Variants in OASL observed in about 807,000 individuals in gnomAD.
The protein encoded by OASL is 2'-5'-oligoadenylate synthetase like.
In OASL, 28 loss-of-function variants were observed where a neutral mutation model predicts 35.3. That is an observed-to-expected ratio of 0.79 (90% CI 0.59 to 1.09). The LOEUF is 1.09. Ranked by LOEUF, OASL falls within the 50% of genes least tolerant of loss-of-function variation. OASL has a pLI of 0.00. For synonymous variants in OASL, 252 were observed against 254.6 expected (o/e 0.99, Z 0.10); for missense variants, 620 against 635.2 (o/e 0.98, Z 0.26).
exon 1 of OASL, chr12:121,038,796 A>G: frequency 1.9e-6 from 3 of 1,614,054 alleles, no homozygotes; most frequent in Non-Finnish European, 2.5e-6. Flanking sequence ...CAGCACCCGC[A>G]CATCCTGGTC....
rs777115466 is a variant in OASL, at chr12:121,020,725, G to A, written c.1381C>T (p.Gln461Ter). The stretch of plus-strand genomic sequence containing the variant: ...AGCCCCTGCTGGTCTTCAATCTGCT[G>A]CTTCAGACCCAGGATGAAGCTGTTG... The change falls in exon 6 of 6, where the codon CAG (glutamine) becomes TAG (stop). Residue 461 changes from glutamine to a stop codon, truncating the protein, a stop_gained. Transcript: ENST00000257570. LOFTEE classifies it low-confidence loss of function (END_TRUNC). 1 of 1,614,206 alleles carries A rather than the reference G, an allele frequency of 6.2e-7. No homozygotes were observed. Among genetic ancestry groups the A allele is most frequent in the Non-Finnish European group, 8.5e-7 (1 of 1,180,042 alleles).
At chr12:121,024,993 T>C (rs1869420353) in intron 4 of OASL, among the ~76,000 whole-genome samples, 2 of 144,712 alleles carry the variant, frequency 1.4e-5, no homozygotes, top group Non-Finnish European at 3.0e-5. Flanking sequence ...TTTTTTTTTT[T>C]TTTGAGACAG....
At chr12:121,021,597 G>C (rs1869239043) in intron 5 of OASL, among the ~76,000 whole-genome samples, 1 of 152,236 alleles carries the variant, frequency 6.6e-6, no homozygotes, top group Non-Finnish European at 1.5e-5. Flanking sequence ...GATCACTTGA[G>C]GTCAGGAGTT....
intron 1 of OASL, among the ~76,000 whole-genome samples, chr12:121,038,547 T>G (rs1206320759): frequency 6.6e-6 from 1 of 152,232 alleles, no homozygotes; most frequent in Non-Finnish European, 1.5e-5. Flanking sequence ...TAGTGTATGT[T>G]AAGAGGTTAG....
exon 6 of OASL, chr12:121,020,801 C>G (rs763754973): frequency 1.9e-6 from 3 of 1,614,128 alleles, no homozygotes; most frequent in South Asian, 2.2e-5. Context: ...TCACGAAGAC[C>G]TGGATCTCGG....
At chr12:121,026,651 A>G (rs1309148886) in intron 4 of OASL, among the ~76,000 whole-genome samples, 1 of 152,166 alleles carries the variant, frequency 6.6e-6, no homozygotes, top group African/African-American at 2.4e-5. Flanking sequence ...CAGGAGTTTG[A>G]GACCAGCCTG....
At chr12:121,022,967 A>G (rs1273043104) in intron 5 of OASL, among the ~76,000 whole-genome samples, 41 of 152,160 alleles carry the variant, frequency 2.7e-4, no homozygotes, top group Non-Finnish European at 5.9e-5. Context: ...GATGATAATA[A>G]TAATAAAGAT....
intron 4 of OASL, among the ~76,000 whole-genome samples, chr12:121,024,476 G>C (rs982366939): frequency 1.3e-5 from 2 of 152,108 alleles, no homozygotes; most frequent in African/African-American, 2.4e-5. Flanking sequence ...AAATTAGCCA[G>C]GTGTGGTGGT....
At chr12:121,037,234 G>C (rs1169299774) in intron 1 of OASL, among the ~76,000 whole-genome samples, 1 of 152,130 alleles carries the variant, frequency 6.6e-6, no homozygotes, top group African/African-American at 2.4e-5. Context: ...CACCCTCTCT[G>C]TGCCTCGGTT....
chr12:121,020,935 C>T (rs755420695), exon 6 of OASL: 1 of 1,614,204 alleles, frequency 6.2e-7, no homozygotes, highest in South Asian at 1.1e-5. Context: ...CGCTGCAGGC[C>T]AGAGTAGCCC....
intron 1 of OASL, among the ~76,000 whole-genome samples, 170 bp downstream of exon 1, chr12:121,038,604 C>T (rs2135919997): frequency 6.6e-6 from 1 of 152,320 alleles, no homozygotes; most frequent in South Asian, 2.1e-4. Flanking sequence ...ACTCATTCTA[C>T]TCAAGGCAGT....
chr12:121,038,810 C>T, exon 1 of OASL: 1 of 1,614,116 alleles, frequency 6.2e-7, no homozygotes, highest in Non-Finnish European at 8.5e-7. Flanking sequence ...CCTGGTCCAG[C>T]CCACGCTTCC....
intron 4 of OASL, among the ~76,000 whole-genome samples, chr12:121,026,442 C>G (rs1869484665): frequency 6.6e-6 from 1 of 152,012 alleles, no homozygotes; most frequent in Non-Finnish European, 1.5e-5. Flanking sequence ...GAAAGTGATC[C>G]CAGGAAGCAC....
intron 1 of OASL, 148 bp downstream of exon 1, chr12:121,038,626 G>T (rs539244379): frequency 1.1e-5 from 8 of 700,338 alleles, no homozygotes; most frequent in African/African-American, 1.8e-5. Context: ...GTGCAGTGGG[G>T]TGTAGACAGC....
chr12:121,029,271 A>G lies in OASL; in HGVS notation c.658-1454T>C, dbSNP rs1284759709. Among the ~76,000 whole-genome samples the G allele has an allele frequency of 2.0e-5, 3 of 152,264 alleles. No individual in the cohort carries two copies. In the East Asian group the frequency reaches 5.8e-4, roughly 29 times the overall value. ...ATAACACTTTGGCCTTGAAACAAAC[A>G]CAGAATCATCTTGTATAATTCTCAT... is the stretch of plus-strand genomic sequence containing the variant. On this transcript the variant is annotated intron_variant, in intron 3 of 5. Coordinates refer to ENST00000257570, the Ensembl canonical transcript of OASL.
chr12:121,020,618 G>A (rs374336844), exon 6 of OASL: 1 of 1,613,914 alleles, frequency 6.2e-7, no homozygotes, highest in Non-Finnish European at 8.5e-7. Flanking sequence ...GAGTGTCACT[G>A]TCTTGGATGC....
intron 5 of OASL, 77 bp downstream of exon 5, chr12:121,023,913 C>A: frequency 6.5e-7 from 1 of 1,549,738 alleles, no homozygotes. Context: ...CAACACAGAA[C>A]TGAATGAGTA....
At chr12:121,023,847 G>T (rs995797900) in intron 5 of OASL, 143 bp downstream of exon 5, 3 of 909,418 alleles carry the variant, frequency 3.3e-6, no homozygotes, top group South Asian at 4.0e-5. Flanking sequence ...AGTTCACGGA[G>T]CCCATGGGTG....
chr12:121,032,988 C>T (rs757779924), intron 2 of OASL, among the ~76,000 whole-genome samples: 6 of 151,918 alleles, frequency 3.9e-5, no homozygotes, highest in Admixed American at 6.6e-5. Context: ...TGCAATGGCG[C>T]GATCTTGACT....
Sources: gnomAD v4.1 joint callset for allele counts (sites outside exome capture counted in the v4.1 genomes callset) on GRCh38, gnomAD v4.1.1 for gene constraint, MANE v1.5 for transcripts, NCBI Gene and HGNC (gene_info 2026-07-23, HGNC 2026-07-21) for gene names.